Variants in PTPRF observed in about 807,000 individuals in gnomAD.
The protein encoded by PTPRF is protein tyrosine phosphatase receptor type F, also known as receptor-type tyrosine-protein phosphatase F.
In PTPRF, 59 loss-of-function variants were observed where a neutral mutation model predicts 201.8. That is an observed-to-expected ratio of 0.29 (90% CI 0.24 to 0.36). The LOEUF is 0.36. PTPRF is among the 10% of genes least tolerant of loss of function. PTPRF has a pLI of 1.00. For synonymous variants in PTPRF, 1,088 were observed against 1,089.7 expected (o/e 1.00, Z 0.03); for missense variants, 2,132 against 2,690.5 (o/e 0.79, Z 4.59).
chr1:43,558,178 C>T (rs1285658053), intron 5 of PTPRF, among the ~76,000 whole-genome samples: 1 of 152,148 alleles, frequency 6.6e-6, no homozygotes, highest in Non-Finnish European at 1.5e-5. Flanking sequence ...AGTAAGAGTC[C>T]TTCCTGAGTT....
chr1:43,613,142 A>G (rs1329325515), intron 22 of PTPRF: 1 of 230,862 alleles, frequency 4.3e-6, no homozygotes, highest in South Asian at 4.4e-5. Context: ...TTCTCTCTCT[A>G]TTGTGTCTGT....
At chr1:43,524,838 G>GA (rs1195572672), upstream of PTPRF, among the ~76,000 whole-genome samples, 3 of 152,212 alleles carry the variant, frequency 2.0e-5, no homozygotes, top group Non-Finnish European at 4.4e-5. Context: ...ACAGCGAGGG[G>GA]AAAATGGGCT....
chr1:43,592,095 G>T, intron 10 of PTPRF, 147 bp downstream of exon 10: 2 of 1,170,034 alleles, frequency 1.7e-6, no homozygotes, highest in Admixed American at 2.4e-5. Context: ...TGGTGCATGC[G>T]TGTCATGTGG....
intron 22 of PTPRF, among the ~76,000 whole-genome samples, chr1:43,611,779 C>T (rs1484366480): frequency 1.3e-5 from 2 of 152,090 alleles, no homozygotes; most frequent in Non-Finnish European, 2.9e-5. Flanking sequence ...CAGCAGAGTC[C>T]GGGCTTAAGC....
chr1:43,580,956 G>A (rs570123191), intron 7 of PTPRF, among the ~76,000 whole-genome samples: 51 of 152,384 alleles, frequency 3.3e-4, no homozygotes, highest in African/African-American at 1.2e-3. Context: ...AAGGCCCAGA[G>A]GTGGATGGAC....
chr1:43,614,846 C>T (rs1399161312), intron 23 of PTPRF, among the ~76,000 whole-genome samples: 4 of 137,332 alleles, frequency 2.9e-5, no homozygotes, highest in Non-Finnish European at 4.7e-5. Flanking sequence ...AGTGAGACTC[C>T]CTCTCAAAAA....
upstream of PTPRF, among the ~76,000 whole-genome samples, chr1:43,523,464 C>T (rs1431567415): frequency 6.6e-6 from 1 of 152,020 alleles, no homozygotes; most frequent in East Asian, 1.9e-4. Flanking sequence ...GGAGGATGAC[C>T]CCGCCAAGGA....
upstream of PTPRF, among the ~76,000 whole-genome samples, chr1:43,526,238 A>G (rs1643103383): frequency 6.6e-6 from 1 of 152,082 alleles, no homozygotes; most frequent in Non-Finnish European, 1.5e-5. Context: ...GTGTTCATTG[A>G]GAAATTAACT....
Position 43,605,388 on chromosome 1 carries a change from G to C in PTPRF, c.3334G>C (p.Glu1112Gln). 1.2e-6 allele frequency: 2 copies of C among 1,613,888 alleles called. No individual in the cohort carries two copies. Among genetic ancestry groups the C allele is most frequent in the Non-Finnish European group, 1.7e-6 (2 of 1,179,858 alleles). The change falls in exon 18 of 34, where the codon GAG becomes CAG. Residue 1112 changes from glutamate (E) to glutamine (Q), a missense_variant. Glu to Gln is a conservative substitution (Grantham distance 29). Transcript: ENST00000359947. The part of the protein sequence containing the change: ...HKPLPASAYI[E>Q]DGRFDLSMPH... ...GCCGCTGCCTGCCTCTGCCTACATA[G>C]AGGACGGCCGCTTCGATCTCTCCAT...
At chr1:43,544,005 G>T (rs1021185176) in intron 2 of PTPRF, among the ~76,000 whole-genome samples, 1 of 152,212 alleles carries the variant, frequency 6.6e-6, no homozygotes. Flanking sequence ...GGGCCAGGGA[G>T]TGATAGCAGC....
chr1:43,565,495 C>T (rs1281285850), intron 5 of PTPRF, among the ~76,000 whole-genome samples: 1 of 152,226 alleles, frequency 6.6e-6, no homozygotes, highest in Non-Finnish European at 1.5e-5. Context: ...TCTATGCATG[C>T]GGGTAGAATC....
rs1312803474 is a variant in PTPRF, at chr1:43,602,089, G to C, written c.2332G>C (p.Glu778Gln). 1.2e-6 allele frequency: 2 copies of C among 1,613,492 alleles called. No homozygotes were observed. The highest frequency in any genetic ancestry group is 1.7e-6 in the Non-Finnish European group (2 of 1,179,518). ...AEAQWRPEESEDYETTISGLT... is the reference protein window; with the variant it reads ...AEAQWRPEESQDYETTISGLT... Reference sequence around the variant, plus strand: ...CGGTCAGTGGCGGCCAGAGGAGTCCGAGGACTATGTAAGTAACAGGTGTGC... The same window carrying C: ...CGGTCAGTGGCGGCCAGAGGAGTCCCAGGACTATGTAAGTAACAGGTGTGC... Residue 778 changes from glutamate to glutamine, a missense_variant, in exon 14 of 34, where the codon GAG becomes CAG. Coordinates refer to ENST00000359947, the MANE Select transcript of PTPRF (RefSeq NM_002840.5).
chr1:43,613,532 T>C lies in PTPRF; in HGVS notation c.3974-86T>C, dbSNP rs1656996693. 6.4e-6 allele frequency: 7 copies of C among 1,087,316 alleles called. No individual in the cohort carries two copies. In the East Asian group the frequency reaches 9.5e-5, roughly 15 times the overall value. 67.4% of individuals were successfully genotyped at this position (1,087,316 alleles called of 1,614,324 possible). A position where few individuals can be genotyped will look rare whatever the true frequency, so the allele number is the denominator to read the frequency against. ...TGCTCCATGGTCACACATGTTCACA[T>C]GTGCACATACATGCGTTGGGGCTTT... is the stretch of plus-strand genomic sequence containing the variant. On this transcript the variant is annotated intron_variant, in intron 22 of 33. Coordinates refer to ENST00000359947, the MANE Select transcript of PTPRF (RefSeq NM_002840.5).
At position 43,554,397 on chromosome 1, in the gene PTPRF, G is replaced by A. The variant is rs1257874019; in HGVS notation, c.379+456G>A. 1.3e-5 allele frequency among the ~76,000 whole-genome samples: 2 copies of A among 152,132 alleles called. No individual in the cohort carries two copies. The highest frequency in any genetic ancestry group is 2.9e-5 in the Non-Finnish European group (2 of 68,018). On this transcript the variant is annotated intron_variant, in intron 5 of 33. Transcript: ENST00000359947. The surrounding 1 kb of genome is among the most constrained non-coding windows in gnomAD (Gnocchi z 4.1). ...TTTTAGTGTCTTCTCTCACTTGGTG[G>A]CTTCTCCATTCATTCACAAACACTC...
At chr1:43,600,437 C>T (rs1384258359) in intron 13 of PTPRF, among the ~76,000 whole-genome samples, 1 of 150,938 alleles carries the variant, frequency 6.6e-6, no homozygotes, top group Non-Finnish European at 1.5e-5. Flanking sequence ...TCCCGGAGGA[C>T]ACTGAAGATG....
At chr1:43,532,815 A>G (rs1205156526) in intron 1 of PTPRF, among the ~76,000 whole-genome samples, 1 of 152,090 alleles carries the variant, frequency 6.6e-6, no homozygotes, top group Admixed American at 6.5e-5. Context: ...TCTCAGCCCC[A>G]GGCACAGGCC....
intron 5 of PTPRF, among the ~76,000 whole-genome samples, chr1:43,560,366 C>T (rs1645721737): frequency 1.3e-5 from 2 of 150,962 alleles, no homozygotes; most frequent in Admixed American, 6.6e-5. Context: ...ACATGCAGCA[C>T]ATAGTGTATG....
rs779426523 is a variant in PTPRF at position 43,619,473 on chromosome 1, G to A, written c.4832G>A (p.Gly1611Asp). ...GCGCTGCTGGAGGCTGCCACGTGCG[G>A]CCACACAGAGGTGCCTGCCCGCAAC... ...HEALLEAATC[G>D]HTEVPARNLY... is the part of the protein sequence containing the mutation. The change falls in exon 28 of 34, where the codon GGC becomes GAC. Residue 1611 changes from glycine to aspartate, a missense_variant. By Grantham distance (94) the Gly-to-Asp change is moderately conservative. This residue lies in a region of PTPRF where 519 missense variants were observed against 659.5 expected (regional missense o/e 0.79). Coordinates refer to ENST00000359947, the MANE Select transcript of PTPRF (RefSeq NM_002840.5). The A allele has an allele frequency of 6.8e-6, 11 of 1,614,054 alleles. No individual in the cohort carries two copies. The East Asian group carries it at 2.2e-4, about 33-fold the overall frequency.
intron 3 of PTPRF, among the ~76,000 whole-genome samples, chr1:43,548,498 T>G (rs1364358232): frequency 6.6e-6 from 1 of 152,134 alleles, no homozygotes; most frequent in African/African-American, 2.4e-5. Flanking sequence ...CTGCTCCCTG[T>G]GGGACTTCCC....
Sources: allele counts gnomAD v4.1 joint callset (sites outside exome capture counted in the v4.1 genomes callset), GRCh38; gene constraint gnomAD v4.1.1; regional missense constraint gnomAD v4.1.1; non-coding constraint Gnocchi (gnomAD v3.1); transcripts MANE v1.5; gene names NCBI Gene and HGNC (gene_info 2026-07-23, HGNC 2026-07-21).